Variants in UBE2O observed in about 807,000 individuals in gnomAD.
UBE2O encodes ubiquitin conjugating enzyme E2 O.
Under a neutral mutation model 125.8 loss-of-function variants are expected in UBE2O, and 15 were observed. That is an observed-to-expected ratio of 0.12 (90% CI 0.08 to 0.18). UBE2O has a LOEUF of 0.18. UBE2O is among the 10% of genes least tolerant of loss of function. The pLI is 1.00. For synonymous variants in UBE2O, 708 were observed against 703.2 expected (o/e 1.01, Z -0.11); for missense variants, 1,280 against 1,723.6 (o/e 0.74, Z 4.56).
intron 1 of UBE2O, among the ~76,000 whole-genome samples, chr17:76,408,789 G>A (rs2072466710): frequency 6.6e-6 from 1 of 152,050 alleles, no homozygotes; most frequent in Admixed American, 6.6e-5. Flanking sequence ...CCAGATTTGT[G>A]AACAAAACTA....
At chr17:76,448,475 AG>A (rs1259056941) in intron 1 of UBE2O, among the ~76,000 whole-genome samples, 2 of 152,216 alleles carry the variant, frequency 1.3e-5, no homozygotes, top group African/African-American at 4.8e-5. Flanking sequence ...TAAACTGCAA[AG>A]CCAATTCCCG....
At position 76,390,589 on chromosome 17, in the gene UBE2O, A is replaced by C. The variant is rs1598575181; in HGVS notation, c.*354T>G. On this transcript the variant is annotated 3_prime_UTR_variant, in exon 18 of 18. Coordinates refer to ENST00000319380, the MANE Select transcript of UBE2O (RefSeq NM_022066.4). The stretch of plus-strand genomic sequence containing the variant: ...GTGCTCTCCTGCGGGTCTGCAGGGA[A>C]CCGGCCCAGAGAGCCCCGCGGCAGG... 1 of 216,616 alleles carries C rather than the reference A, an allele frequency of 4.6e-6. No individual in the cohort carries two copies. Among genetic ancestry groups the C allele is most frequent in the Non-Finnish European group, 9.2e-6 (1 of 108,694 alleles). The allele number at this position is 216,616 out of a possible 1,614,324, so 13.4% of individuals were successfully genotyped here.
At chr17:76,420,442 T>A (rs1036868770) in intron 1 of UBE2O, among the ~76,000 whole-genome samples, 13 of 152,230 alleles carry the variant, frequency 8.5e-5, no homozygotes, top group Admixed American at 5.9e-4. Flanking sequence ...TTTAGATCAA[T>A]CCCAGTGGCC....
At chr17:76,392,879 G>T (rs1487174708) in intron 15 of UBE2O, among the ~76,000 whole-genome samples, 1 of 151,852 alleles carries the variant, frequency 6.6e-6, no homozygotes, top group Non-Finnish European at 1.5e-5. Flanking sequence ...CTTCAACCCG[G>T]AGGCGGAGGT....
At chr17:76,439,459 T>G (rs1048559993) in intron 1 of UBE2O, among the ~76,000 whole-genome samples, 3 of 152,120 alleles carry the variant, frequency 2.0e-5, no homozygotes, top group African/African-American at 7.2e-5. Context: ...TTTCCTCTCA[T>G]CCTCTCCAAA....
Position 76,391,001 on chromosome 17 carries a change from G to A in UBE2O, c.3821C>T (p.Thr1274Met), listed in dbSNP as rs756925063. Residue 1274 changes from threonine to methionine, a missense_variant, in exon 18 of 18, where the codon ACG (threonine) becomes ATG (methionine). By Grantham distance (81) the Thr-to-Met change is moderately conservative. Around this residue, in one of 10 missense-constraint regions of UBE2O, gnomAD observed 233 missense variants for 279.0 expected, o/e 0.84. Transcript: ENST00000319380. This position sits in a 1 kb window ranked among gnomAD's most constrained non-coding sequence, Gnocchi z 8.4. ...CTCTAGCAGGGCAGCCCGGAACTGC[G>A]TCAGGACACCCCGGATGCTCTTGAT... ...GFIKSIRGVL[T>M]QFRAALLEAG... 1.4e-5 allele frequency: 23 copies of A among 1,613,650 alleles called. No homozygotes were observed. The highest frequency in any genetic ancestry group is 1.2e-4 in the Admixed American group (7 of 60,000).
In UBE2O at chr17:76,399,753, G is replaced by C; in HGVS notation, c.1324C>G (p.Pro442Ala). 4 of 1,614,184 alleles carry C rather than the reference G, an allele frequency of 2.5e-6. No individual in the cohort carries two copies. Among genetic ancestry groups the C allele is most frequent in the Non-Finnish European group, 3.4e-6 (4 of 1,180,034 alleles). ...PEETPDGSASPVEMQDEGAEE... is the reference protein window; with the variant it reads ...PEETPDGSASAVEMQDEGAEE... ...GCACCCTCGTCCTGCATCTCCACTG[G>C]ACTGGCAGAGCCATCGGGCGTCTCC... Residue 442 changes from proline (P) to alanine (A), a missense_variant, in exon 9 of 18, where the codon CCA becomes GCA. Pro to Ala is a conservative substitution (Grantham distance 27, BLOSUM62 -1). Coordinates refer to ENST00000319380, the MANE Select transcript of UBE2O (RefSeq NM_022066.4). The surrounding 1 kb of genome is among the most constrained non-coding windows in gnomAD (Gnocchi z 6.9).
intron 1 of UBE2O, among the ~76,000 whole-genome samples, chr17:76,408,279 A>C (rs147727800): frequency 1.3e-5 from 2 of 152,164 alleles, no homozygotes; most frequent in Non-Finnish European, 2.9e-5. Flanking sequence ...TTTTCGCCTC[A>C]TGCTAACCAG....
chr17:76,430,378 T>C (rs914358752), intron 1 of UBE2O: 1 of 157,220 alleles, frequency 6.4e-6, no homozygotes, highest in African/African-American at 2.4e-5. Context: ...GTACTATTTA[T>C]TAACTGACCA....
At chr17:76,441,932 G>A (rs1353329917) in intron 1 of UBE2O, among the ~76,000 whole-genome samples, 4 of 152,234 alleles carry the variant, frequency 2.6e-5, no homozygotes, top group Admixed American at 6.5e-5. Flanking sequence ...CCTAAGCTGC[G>A]TTCCTGATTC....
At position 76,399,235 on chromosome 17, in the gene UBE2O, G is replaced by A. The variant is rs988063993; in HGVS notation, c.1628+214C>T. ...TGTGGTTCCAGAAGGCCAAGCTTAA[G>A]GCCACCACCATCCCACCCTCTGCAC... On this transcript the variant is annotated intron_variant, in intron 9 of 17. Coordinates refer to ENST00000319380, the MANE Select transcript of UBE2O (RefSeq NM_022066.4). This position sits in a 1 kb window ranked among gnomAD's most constrained non-coding sequence, Gnocchi z 6.9. The A allele has an allele frequency of 7.4e-5, 52 of 707,390 alleles. No homozygotes were observed. In the African/African-American group the frequency reaches 9.0e-4, roughly 12 times the overall value. The allele number at this position is 707,390 out of a possible 1,614,324, so 43.8% of individuals were successfully genotyped here.
intron 1 of UBE2O, among the ~76,000 whole-genome samples, chr17:76,449,637 G>A (rs1415463815): frequency 2.6e-5 from 4 of 152,088 alleles, no homozygotes; most frequent in African/African-American, 9.7e-5. Flanking sequence ...AATAAGTTTC[G>A]GGCGGGTGCG....
In UBE2O at chr17:76,400,399, C is replaced by T. The variant is rs375146547; in HGVS notation, c.1004+42G>A. ...TGTGACCAGGGCCCAGAGCCCTGTCCCACGCGTGCCCCTGGGTTGCTGGCA... is the reference window on the plus strand; with the variant it reads ...TGTGACCAGGGCCCAGAGCCCTGTCTCACGCGTGCCCCTGGGTTGCTGGCA... On this transcript the variant is annotated intron_variant, in intron 7 of 17. Transcript: ENST00000319380. The surrounding 1 kb of genome is among the most constrained non-coding windows in gnomAD (Gnocchi z 4.3). The T allele has an allele frequency of 3.6e-5, 57 of 1,595,802 alleles. No homozygotes were observed. Among genetic ancestry groups the T allele is most frequent in the Middle Eastern group, 3.3e-4 (2 of 6,012 alleles).
At chr17:76,393,593 C>A (rs571335125) in intron 15 of UBE2O, among the ~76,000 whole-genome samples, 1 of 152,128 alleles carries the variant, frequency 6.6e-6, no homozygotes, top group Admixed American at 6.5e-5. Flanking sequence ...CAACCCTTAT[C>A]CCCAACAAGG....
At chr17:76,409,001 C>T (rs999114114) in intron 1 of UBE2O, among the ~76,000 whole-genome samples, 1 of 151,796 alleles carries the variant, frequency 6.6e-6, no homozygotes, top group Non-Finnish European at 1.5e-5. Context: ...TGGAGTCTCA[C>T]TCTCTGGCCC....
chr17:76,405,891 T>C lies in UBE2O; in HGVS notation c.418-319A>G, dbSNP rs1363314194. On this transcript the variant is annotated intron_variant, in intron 1 of 17. Coordinates refer to ENST00000319380, the MANE Select transcript of UBE2O (RefSeq NM_022066.4). This position sits in a 1 kb window ranked among gnomAD's most constrained non-coding sequence, Gnocchi z 6.1. ...TGACAGATCACATAAGGCTGCACTT[T>C]AATGAAGGATTTAACAGCCCATTCT... is the stretch of plus-strand genomic sequence containing the variant. 2.0e-5 allele frequency among the ~76,000 whole-genome samples: 3 copies of C among 152,220 alleles called. No homozygotes were observed. The highest frequency in any genetic ancestry group is 2.9e-5 in the Non-Finnish European group (2 of 68,032).
In UBE2O at chr17:76,402,749, G is replaced by A; in HGVS notation, c.589-50C>T. 2 of 1,473,542 alleles carry A rather than the reference G, an allele frequency of 1.4e-6. No individual in the cohort carries two copies. Among genetic ancestry groups the A allele is most frequent in the African/African-American group, 2.8e-5 (2 of 72,256 alleles). 91.3% of individuals were successfully genotyped at this position (1,473,542 alleles called of 1,614,324 possible). A position where few individuals can be genotyped will look rare whatever the true frequency, so the allele number is the denominator to read the frequency against. ...GTGAGACACAGCAGACAACGTTCAT[G>A]TCCAGGGCACAGATTCCTCTATGCC... On this transcript the variant is annotated intron_variant, in intron 3 of 17. Transcript: ENST00000319380. This position sits in a 1 kb window ranked among gnomAD's most constrained non-coding sequence, Gnocchi z 5.4.
intron 1 of UBE2O, among the ~76,000 whole-genome samples, chr17:76,425,364 T>TA (rs966857367): frequency 2.6e-4 from 39 of 149,514 alleles, no homozygotes; most frequent in Admixed American, 6.0e-4. Context: ...ATGCCTAAGT[T>TA]AAAAAAAAAA....
At position 76,400,496 on chromosome 17, in the gene UBE2O, C is replaced by A; in HGVS notation, c.949G>T (p.Gly317Cys). The part of the protein sequence containing the change: ...TWITKSFCPG[G>C]TDSVSPPPSV... ...GGTGGGGGGCTGACGCTGTCCGTGC[C>A]CCCTGGACAGAAACTCTTGGTAATC... The change falls in exon 7 of 18, where the codon GGC becomes TGC. Residue 317 changes from glycine to cysteine, a missense_variant. Gly to Cys is a radical substitution (Grantham distance 159, BLOSUM62 -3). This residue lies in a region of UBE2O where 206 missense variants were observed against 315.7 expected (regional missense o/e 0.65). Coordinates refer to ENST00000319380, the MANE Select transcript of UBE2O (RefSeq NM_022066.4). The surrounding 1 kb of genome is among the most constrained non-coding windows in gnomAD (Gnocchi z 4.3). 6.2e-7 allele frequency: 1 copy of A among 1,613,518 alleles called. No individual in the cohort carries two copies. The highest frequency in any genetic ancestry group is 1.7e-5 in the Admixed American group (1 of 59,936).
Sources: allele counts gnomAD v4.1 joint callset (sites outside exome capture counted in the v4.1 genomes callset), GRCh38; gene constraint gnomAD v4.1.1; regional missense constraint gnomAD v4.1.1; non-coding constraint Gnocchi (gnomAD v3.1); transcripts MANE v1.5; gene names NCBI Gene and HGNC (gene_info 2026-07-23, HGNC 2026-07-21).